The following USP46 variants were observed in gnomAD, a reference collection of about 807,000 sequenced individuals.
USP46 encodes the protein ubiquitin carboxyl-terminal hydrolase 46.
A neutral mutation model predicts 44.4 loss-of-function variants in USP46; 12 were observed. That is an observed-to-expected ratio of 0.27 (90% CI 0.17 to 0.44). The LOEUF (loss-of-function observed/expected upper bound fraction) is 0.44, where lower values mean the gene tolerates loss of function less well. USP46 is among the 20% of genes least tolerant of loss of function. The pLI is 1.00. For synonymous variants in USP46, 155 were observed against 161.5 expected (o/e 0.96, Z 0.31); for missense variants, 248 against 444.8 (o/e 0.56, Z 3.98).
intron 1 of USP46, among the ~76,000 whole-genome samples, chr4:52,636,417 C>T (rs1718116811): frequency 6.6e-6 from 1 of 152,060 alleles, no homozygotes; most frequent in African/African-American, 2.4e-5. Context: ...TTATTTAAGA[C>T]ACTAAGTTGG....
intron 5 of USP46, among the ~76,000 whole-genome samples, chr4:52,605,564 A>G (rs1716656087): frequency 6.6e-6 from 1 of 152,264 alleles, no homozygotes; most frequent in Admixed American, 6.5e-5. Flanking sequence ...GAACACATCA[A>G]AAGAAAACAC....
intron 6 of USP46, 69 bp downstream of exon 6, chr4:52,604,432 C>T (rs1000735888): frequency 7.4e-7 from 1 of 1,348,534 alleles, no homozygotes; most frequent in East Asian, 2.4e-5. Context: ...CAAAGCCAAC[C>T]CTGCTGGGCC....
In USP46 at chr4:52,631,761, T is replaced by C. The variant is rs183375106; in HGVS notation, c.37-617A>G. 6.2e-3 allele frequency among the ~76,000 whole-genome samples: 947 copies of C among 152,250 alleles called. 7 individuals carry two copies. The highest frequency in any genetic ancestry group is 0.01 in the Non-Finnish European group (712 of 68,018). ...TGTCTCATGCCTATAATCCCAGCAC[T>C]TTGGGAGGCCGAGGTGAGCGGATCA... On this transcript the variant is annotated intron_variant, in intron 1 of 8. Transcript: ENST00000441222.
rs981033574 is a variant in USP46 at position 52,594,425 on chromosome 4, C to T, written c.*3215G>A. 1 of 152,140 alleles carries T rather than the reference C, an allele frequency of 6.6e-6. No individual in the cohort carries two copies. The highest frequency in any genetic ancestry group is 1.5e-5 in the Non-Finnish European group (1 of 68,026). 9.4% of individuals were successfully genotyped at this position (152,140 alleles called of 1,614,324 possible). A position where few individuals can be genotyped will look rare whatever the true frequency, so the allele number is the denominator to read the frequency against. ...AAGCCAAAAATAAATTAATGTAATA[C>T]TGGAAAACAGAAATTTAATTAGGCA... On this transcript the variant is annotated 3_prime_UTR_variant, in exon 9 of 9. Transcript: ENST00000441222.
chr4:52,632,983 A>AGAAAGAAAGAAAGAAAGAAAG (rs1560406138), intron 1 of USP46, among the ~76,000 whole-genome samples: 1 of 92,742 alleles, frequency 1.1e-5, no homozygotes, highest in Non-Finnish European at 2.0e-5. Context: ...AAAGAAAGAA[A>AGAAAGAAAGAAAGAAAGAAAG]GAAAAGAAAA....
chr4:52,639,312 A>G (rs1391611187), intron 1 of USP46, among the ~76,000 whole-genome samples: 2 of 152,256 alleles, frequency 1.3e-5, no homozygotes, highest in Admixed American at 1.3e-4. Flanking sequence ...GGATTAAACA[A>G]GATGAAAATT....
At position 52,596,700 on chromosome 4, in the gene USP46, T is replaced by C. The variant is rs1231411722; in HGVS notation, c.*940A>G. On this transcript the variant is annotated 3_prime_UTR_variant, in exon 9 of 9. Transcript: ENST00000441222. Reference sequence around the variant, plus strand: ...TGGCTGGAAAGATGTAGTACCTTTGTTATTCCTGATAAGGAACAATGCCGT... The same window carrying C: ...TGGCTGGAAAGATGTAGTACCTTTGCTATTCCTGATAAGGAACAATGCCGT... The C allele has an allele frequency of 6.6e-6, 1 of 152,550 alleles. No individual in the cohort carries two copies. The highest frequency in any genetic ancestry group is 3.2e-3 in the Middle Eastern group (1 of 316). 9.4% of individuals were successfully genotyped at this position (152,550 alleles called of 1,614,324 possible).
At position 52,604,556 on chromosome 4, in the gene USP46, TAC is replaced by T. The variant is rs753817983; in HGVS notation, c.665_666del (p.Cys222Ter). Reference protein sequence around the residue: ...LRDFSNTETLCSEQKYYCETC... With the variant: ...LRDFSNTETLXSEQKYYCETC... ...GTTTCACAATAATATTTTTGTTCAC[TAC>T]ACAGTGTTTCTGTGTTGCTGAAGTC... On this transcript the variant is annotated frameshift_variant, in exon 6 of 9. Transcript: ENST00000441222. LOFTEE classifies it high-confidence loss of function. 1 of 1,608,564 alleles carries T rather than the reference TAC, an allele frequency of 6.2e-7. No homozygotes were observed. Among genetic ancestry groups the T allele is most frequent in the Non-Finnish European group, 8.5e-7 (1 of 1,178,218 alleles).
At chr4:52,632,964 G>GA (rs1364198378) in intron 1 of USP46, among the ~76,000 whole-genome samples, 63 of 74,644 alleles carry the variant, frequency 8.4e-4, no homozygotes, top group African/African-American at 3.8e-3. Flanking sequence ...AAGAAAGAAA[G>GA]AAAGAAAGAA....
rs1349218160 is a variant in USP46 at position 52,659,251 on chromosome 4, C to A, written c.-101G>T. The A allele has an allele frequency of 1.7e-6, 2 of 1,178,790 alleles. No homozygotes were observed. The highest frequency in any genetic ancestry group is 1.7e-5 in the African/African-American group (1 of 60,128). The allele number at this position is 1,178,790 out of a possible 1,614,324, so 73.0% of individuals were successfully genotyped here. On this transcript the variant is annotated 5_prime_UTR_variant, in exon 1 of 9. Coordinates refer to ENST00000441222, the MANE Select transcript of USP46 (RefSeq NM_022832.4). This position sits in a 1 kb window ranked among gnomAD's most constrained non-coding sequence, Gnocchi z 4.2. ...GCGGGGAGGCCGGGCGGCAGCGCGG[C>A]GGCCTGGGGTCCGGCTTTCAGTTTG...
At chr4:52,635,210 G>A (rs1402222732) in intron 1 of USP46, among the ~76,000 whole-genome samples, 4 of 150,620 alleles carry the variant, frequency 2.7e-5, no homozygotes, top group African/African-American at 9.8e-5. Flanking sequence ...ATTCAACTTT[G>A]AGTATATGGA....
intron 1 of USP46, among the ~76,000 whole-genome samples, chr4:52,651,479 T>G (rs1382916364): frequency 6.6e-6 from 1 of 152,186 alleles, no homozygotes; most frequent in Non-Finnish European, 1.5e-5. Flanking sequence ...TTTCTTTGTT[T>G]AATGAGGTAA....
rs773108376 is a variant in USP46, at chr4:52,626,259, A to G, written c.332-12T>C. ...GTTATCAAAGAGATCTGGAAAGGAG[A>G]AGGTGGTTATTTCAGTCTCTGGTTC... On this transcript the variant is annotated splice_polypyrimidine_tract_variant and intron_variant, in intron 3 of 8. Transcript: ENST00000441222. 3.7e-6 allele frequency: 6 copies of G among 1,601,036 alleles called. No individual in the cohort carries two copies. Among genetic ancestry groups the G allele is most frequent in the Non-Finnish European group, 5.1e-6 (6 of 1,173,442 alleles).
In USP46 at chr4:52,592,635, T is replaced by A. The variant is rs1375403264; in HGVS notation, c.*5005A>T. On this transcript the variant is annotated 3_prime_UTR_variant, in exon 9 of 9. Coordinates refer to ENST00000441222, the MANE Select transcript of USP46 (RefSeq NM_022832.4). ...GGCTGAGGCACCTGAAGTCAGGAGT[T>A]CCAGACCAGCTTGGCCAATATGAGA... is the stretch of plus-strand genomic sequence containing the variant. The A allele has an allele frequency of 2.9e-6, 1 of 341,024 alleles. No homozygotes were observed. The highest frequency in any genetic ancestry group is 7.8e-4 in the Middle Eastern group (1 of 1,276). The allele number at this position is 341,024 out of a possible 1,614,324, so 21.1% of individuals were successfully genotyped here.
Position 52,596,693 on chromosome 4 carries a change from AC to A in USP46, c.*946del, listed in dbSNP as rs1262654287. On this transcript the variant is annotated 3_prime_UTR_variant, in exon 9 of 9. Coordinates refer to ENST00000441222, the MANE Select transcript of USP46 (RefSeq NM_022832.4). ...GTGCTGATGGCTGGAAAGATGTAGT[AC>A]CTTTGTTATTCCTGATAAGGAACAA... 6.6e-6 allele frequency: 1 copy of A among 152,486 alleles called. No homozygotes were observed. The highest frequency in any genetic ancestry group is 1.5e-5 in the Non-Finnish European group (1 of 68,040). 9.4% of individuals were successfully genotyped at this position (152,486 alleles called of 1,614,324 possible).
chr4:52,627,847 T>C (rs1160610448), intron 3 of USP46, 103 bp downstream of exon 3: 3 of 1,281,214 alleles, frequency 2.3e-6, no homozygotes, highest in Non-Finnish European at 3.2e-6. Context: ...CATGCTTATT[T>C]TCCCTTTTCA....
At chr4:52,629,813 C>A in intron 2 of USP46, 2 of 440,144 alleles carry the variant, frequency 4.5e-6, no homozygotes, top group South Asian at 3.2e-5. Context: ...ATTATGACCC[C>A]CACTTTACAG....
At chr4:52,656,613 T>C (rs1718962777) in intron 1 of USP46, 7 of 1,241,728 alleles carry the variant, frequency 5.6e-6, no homozygotes, top group Non-Finnish European at 7.1e-6. Flanking sequence ...ATGTTGACAA[T>C]GACACTCACT....
intron 1 of USP46, among the ~76,000 whole-genome samples, chr4:52,658,836 C>G (rs1221154900): frequency 6.6e-6 from 1 of 152,054 alleles, no homozygotes; most frequent in African/African-American, 2.4e-5. Context: ...CAAGCCGCTT[C>G]CACCGCAACC....
Sources: allele counts gnomAD v4.1 joint callset (sites outside exome capture counted in the v4.1 genomes callset), GRCh38; gene constraint gnomAD v4.1.1; non-coding constraint Gnocchi (gnomAD v3.1); transcripts MANE v1.5; gene names NCBI Gene and HGNC (gene_info 2026-07-23, HGNC 2026-07-21).